Variants in WWC1 observed in about 807,000 individuals in gnomAD.
WWC1 encodes the protein protein KIBRA.
In WWC1, 55 loss-of-function variants were observed where a neutral mutation model predicts 138.4. That is an observed-to-expected ratio of 0.40 (90% CI 0.32 to 0.50). The LOEUF (loss-of-function observed/expected upper bound fraction) is 0.50. Ranked by LOEUF, WWC1 falls within the 20% of genes least tolerant of loss-of-function variation. WWC1 has a pLI of 0.72. For synonymous variants in WWC1, 524 were observed against 564.9 expected, an observed-to-expected ratio of 0.93 and a Z score of 1.03; for missense variants, 1,226 against 1,420.4, an observed-to-expected ratio of 0.86 and a Z score of 2.20.
chr5:168,451,903 C>CCTTT (rs1755856021), intron 17 of WWC1, among the ~76,000 whole-genome samples: 1 of 108,544 alleles, frequency 9.2e-6, no homozygotes. Flanking sequence ...TTGTTGGTGT[C>CCTTT]TTTTTTTTTT....
At chr5:168,343,296 T>C (rs140906763) in intron 1 of WWC1, among the ~76,000 whole-genome samples, 137 of 152,332 alleles carry the variant, frequency 9.0e-4, no homozygotes, top group Middle Eastern at 3.4e-3. Flanking sequence ...TCTGAGTGTT[T>C]ACTGTGGGGC....
intron 16 of WWC1, among the ~76,000 whole-genome samples, chr5:168,442,661 A>G (rs1021624453): frequency 6.6e-6 from 1 of 151,302 alleles, no homozygotes; most frequent in East Asian, 1.9e-4. Flanking sequence ...ACATGGTGAA[A>G]CCCTGTCTCT....
Position 168,399,480 on chromosome 5 carries a change from CCCT to C in WWC1, c.511-5_511-3del. 6.2e-7 allele frequency: 1 copy of C among 1,614,030 alleles called. No homozygotes were observed. Among genetic ancestry groups the C allele is most frequent in the Non-Finnish European group, 8.5e-7 (1 of 1,179,960 alleles). On this transcript the variant is annotated splice_region_variant and splice_polypyrimidine_tract_variant and intron_variant, in intron 4 of 22. Transcript: ENST00000265293. Reference sequence around the variant, plus strand: ...ACCCAGCCCTGTGTGTGGTCTGCTGCCCTCCAGGTCAACAAGCTGAAGAGAGAG... The same window carrying C: ...ACCCAGCCCTGTGTGTGGTCTGCTGCCCAGGTCAACAAGCTGAAGAGAGAG...
chr5:168,326,033 C>T (rs1772503826), intron 1 of WWC1, among the ~76,000 whole-genome samples: 1 of 152,020 alleles, frequency 6.6e-6, no homozygotes, highest in East Asian at 1.9e-4. Flanking sequence ...ATGTTGATAT[C>T]ACATTTTGCT....
intron 17 of WWC1, among the ~76,000 whole-genome samples, chr5:168,446,596 A>T (rs1346182300): frequency 6.6e-6 from 1 of 152,256 alleles, no homozygotes; most frequent in African/African-American, 2.4e-5. Context: ...CTCTGTAACT[A>T]GCACCAAATC....
rs570121479 is a variant in WWC1 at position 168,346,259 on chromosome 5, T to A, written c.120-25165T>A. ...ATCTGTGTTTTGCAAGTATAAACAC[T>A]GTAAGGAGATACAAGATACTTAGGA... is the stretch of plus-strand genomic sequence containing the variant. On this transcript the variant is annotated intron_variant, in intron 1 of 22. Transcript: ENST00000265293. 2.6e-5 allele frequency among the ~76,000 whole-genome samples: 4 copies of A among 152,186 alleles called. No homozygotes were observed. In the South Asian group the frequency reaches 8.3e-4, roughly 32 times the overall value.
chr5:168,457,270 G>C (rs1756422424), intron 19 of WWC1, among the ~76,000 whole-genome samples: 1 of 151,376 alleles, frequency 6.6e-6, no homozygotes, highest in South Asian at 2.1e-4. Context: ...GTAGCCAAGA[G>C]TACAACATTG....
intron 20 of WWC1, among the ~76,000 whole-genome samples, chr5:168,463,121 T>A (rs995972871): frequency 6.6e-6 from 1 of 152,228 alleles, no homozygotes; most frequent in Non-Finnish European, 1.5e-5. Flanking sequence ...TATTGCTGCA[T>A]AATAAATCAC....
chr5:168,442,280 A>C (rs1754837429), intron 16 of WWC1, among the ~76,000 whole-genome samples: 1 of 151,968 alleles, frequency 6.6e-6, no homozygotes. Context: ...CTGAGCTTTC[A>C]ATTTTTAATG....
chr5:168,314,253 A>G (rs1771374273), intron 1 of WWC1, among the ~76,000 whole-genome samples: 1 of 152,270 alleles, frequency 6.6e-6, no homozygotes, highest in Non-Finnish European at 1.5e-5. Flanking sequence ...AAAGTAAGTC[A>G]CAGGCTGCCT....
chr5:168,413,887 C>T lies in WWC1; in HGVS notation c.942-461C>T, dbSNP rs971181467. 1.1e-4 allele frequency among the ~76,000 whole-genome samples: 16 copies of T among 152,344 alleles called. No homozygotes were observed. In the South Asian group the frequency reaches 3.1e-3, roughly 30 times the overall value. ...ATGTTACATACCTAATAAGCAGTCACATCAGGTCATAACAACAGTAGCAAG... is the reference window on the plus strand; with the variant it reads ...ATGTTACATACCTAATAAGCAGTCATATCAGGTCATAACAACAGTAGCAAG... On this transcript the variant is annotated intron_variant, in intron 8 of 22. Transcript: ENST00000265293.
chr5:168,419,402 C>T lies in WWC1; in HGVS notation c.1185-2606C>T, dbSNP rs553012014. On this transcript the variant is annotated intron_variant, in intron 9 of 22. Transcript: ENST00000265293. ...AGTCATCCATTCAGCAAATATTGAG[C>T]ATGTCTACATGGTGGGCACTGTGCT... Among the ~76,000 whole-genome samples the T allele has an allele frequency of 4.6e-5, 7 of 152,304 alleles. No homozygotes were observed. The South Asian group carries it at 1.5e-3, about 32-fold the overall frequency.
chr5:168,409,172 G>T (rs1780032742), intron 7 of WWC1, among the ~76,000 whole-genome samples: 1 of 152,144 alleles, frequency 6.6e-6, no homozygotes, highest in South Asian at 2.1e-4. Flanking sequence ...AGTTAGAGTA[G>T]GGCTGAACCA....
rs1206997410 is a variant in WWC1 at position 168,472,093 on chromosome 5, A to G, written c.*3076A>G. On this transcript the variant is annotated 3_prime_UTR_variant, in exon 23 of 23. Transcript: ENST00000265293. ...TGTATAGGAAAAGCTACATGGAGCAAATCCTCCTGCCTGAAGAAGTGCATC... is the reference window on the plus strand; with the variant it reads ...TGTATAGGAAAAGCTACATGGAGCAGATCCTCCTGCCTGAAGAAGTGCATC... 1 of 152,212 alleles carries G rather than the reference A, an allele frequency of 6.6e-6. No individual in the cohort carries two copies. Among genetic ancestry groups the G allele is most frequent in the Non-Finnish European group, 1.5e-5 (1 of 68,070 alleles). 9.4% of individuals were successfully genotyped at this position (152,212 alleles called of 1,614,324 possible). A position where few individuals can be genotyped will look rare whatever the true frequency, so the allele number is the denominator to read the frequency against.
intron 19 of WWC1, among the ~76,000 whole-genome samples, chr5:168,460,124 G>T (rs983481207): frequency 6.6e-6 from 1 of 152,176 alleles, no homozygotes; most frequent in Non-Finnish European, 1.5e-5. Context: ...CCTTTAAGCT[G>T]TCTTTTTCTT....
chr5:168,335,611 C>G (rs1448641738), intron 1 of WWC1, among the ~76,000 whole-genome samples: 1 of 152,202 alleles, frequency 6.6e-6, no homozygotes, highest in Non-Finnish European at 1.5e-5. Context: ...CTGAACTGAT[C>G]TGCCTATAGT....
At chr5:168,444,280 T>C (rs1755041031) in intron 16 of WWC1, among the ~76,000 whole-genome samples, 1 of 152,236 alleles carries the variant, frequency 6.6e-6, no homozygotes, top group Non-Finnish European at 1.5e-5. Context: ...AGTTCATACA[T>C]ACAGGAGCTA....
chr5:168,378,132 G>A (rs1432288294), intron 2 of WWC1, among the ~76,000 whole-genome samples: 2 of 152,174 alleles, frequency 1.3e-5, no homozygotes, highest in African/African-American at 4.8e-5. Flanking sequence ...CTGCAACATG[G>A]ATGCAGTTGG....
Position 168,424,013 on chromosome 5 carries a change from C to T in WWC1, c.1755C>T (p.Ala585=). Residue 585 remains alanine (A), a synonymous_variant, in exon 11 of 23, where the codon GCC becomes GCT. Coordinates refer to ENST00000265293, the MANE Select transcript of WWC1 (RefSeq NM_015238.3). The part of the protein sequence containing the change: ...TLCELSLGNS[A]QERYRLEEPG... ...GTGAACTGAGCCTTGGTAACAGCGC[C>T]CAGGAAAGATACCGGCTGGAGGAAC... 6.2e-7 allele frequency: 1 copy of T among 1,613,578 alleles called. No homozygotes were observed. The highest frequency in any genetic ancestry group is 8.5e-7 in the Non-Finnish European group (1 of 1,179,720).
Sources: allele counts gnomAD v4.1 joint callset (sites outside exome capture counted in the v4.1 genomes callset), GRCh38; gene constraint gnomAD v4.1.1; transcripts MANE v1.5; gene names NCBI Gene and HGNC (gene_info 2026-07-23, HGNC 2026-07-21).